LITAF: variants seen among roughly 807,000 people sequenced by gnomAD.
The protein encoded by LITAF is lipopolysaccharide-induced tumor necrosis factor-alpha factor.
A neutral mutation model predicts 14.5 loss-of-function variants in LITAF; 9 were observed. That is an observed-to-expected ratio of 0.62 (90% CI 0.37 to 1.08). The LOEUF (loss-of-function observed/expected upper bound fraction) is 1.08, where lower values mean the gene tolerates loss of function less well. Ranked by LOEUF, LITAF falls within the 50% of genes least tolerant of loss-of-function variation. LITAF has a pLI of 0.01. For synonymous variants in LITAF, 98 were observed against 88.2 expected (o/e 1.11, Z -0.62); for missense variants, 206 against 213.4 (o/e 0.97, Z 0.22).
chr16:11,640,038 T>C (rs1239050648), upstream of LITAF, among the ~76,000 whole-genome samples: 3 of 152,150 alleles, frequency 2.0e-5, no homozygotes, highest in East Asian at 5.8e-4. Flanking sequence ...CCTCCCAAAG[T>C]GCTGAGATTA....
At chr16:11,569,629 C>T (rs2064510460) in intron 1 of LITAF, among the ~76,000 whole-genome samples, 1 of 152,182 alleles carries the variant, frequency 6.6e-6, no homozygotes, top group Non-Finnish European at 1.5e-5. Context: ...ATGGCGTGGA[C>T]TACGGCCTGG....
At chr16:11,597,457 C>T (rs1424097462) in intron 1 of LITAF, among the ~76,000 whole-genome samples, 1 of 152,126 alleles carries the variant, frequency 6.6e-6, no homozygotes, top group Non-Finnish European at 1.5e-5. Context: ...CTCCCAGCAA[C>T]CCTATAAGGG....
intron 3 of LITAF, among the ~76,000 whole-genome samples, chr16:11,619,785 C>T (rs2065039273): frequency 6.6e-6 from 1 of 152,144 alleles, no homozygotes; most frequent in Non-Finnish European, 1.5e-5. Context: ...GTTGCCCAGG[C>T]TGGTCTTCAA....
intron 3 of LITAF, among the ~76,000 whole-genome samples, chr16:11,614,952 C>G (rs1247318362): frequency 1.3e-5 from 2 of 152,198 alleles, no homozygotes; most frequent in East Asian, 3.8e-4. Context: ...CTTCCAGGAC[C>G]CTGTGGCCCG....
chr16:11,587,580 G>T (rs1175369838), upstream of LITAF: 1 of 326,536 alleles, frequency 3.1e-6, no homozygotes, highest in Middle Eastern at 1.0e-3. Context: ...TAGGTATTAG[G>T]TAAGGCTTAT....
chr16:11,600,425 G>A (rs1479314866), upstream of LITAF, among the ~76,000 whole-genome samples: 1 of 152,238 alleles, frequency 6.6e-6, no homozygotes, highest in African/African-American at 2.4e-5. This position sits in a 1 kb window ranked among gnomAD's most constrained non-coding sequence, Gnocchi z 4.1. Flanking sequence ...AGTGGCAGGA[G>A]GCAGCCAAAT....
At chr16:11,623,925 C>T (rs1471760283) in intron 3 of LITAF, among the ~76,000 whole-genome samples, 1 of 151,942 alleles carries the variant, frequency 6.6e-6, no homozygotes, top group Non-Finnish European at 1.5e-5. Context: ...CAAGATCGTG[C>T]CATTGCACTC....
chr16:11,621,028 T>C (rs1253611202), intron 3 of LITAF, among the ~76,000 whole-genome samples: 2 of 151,710 alleles, frequency 1.3e-5, no homozygotes, highest in Admixed American at 6.6e-5. Flanking sequence ...CCTGAGTAGC[T>C]GGGACTACAG....
intron 3 of LITAF, among the ~76,000 whole-genome samples, chr16:11,624,434 G>C (rs559239291): frequency 6.6e-5 from 10 of 152,304 alleles, no homozygotes; most frequent in African/African-American, 1.4e-4. Flanking sequence ...GTCTGAGACT[G>C]TCAGCCTCAC....
In LITAF at chr16:11,586,545, G is replaced by A. The variant is rs2064809642; in HGVS notation, c.-6+341C>T. The stretch of plus-strand genomic sequence containing the variant: ...CCTTTTTCTAAAAAGCCCAGGGGCC[G>A]TCCTCTCCGGGGAGGGGGACGCGGC... On this transcript the variant is annotated intron_variant, in intron 1 of 3. Transcript: ENST00000622633. The surrounding 1 kb of genome is among the most constrained non-coding windows in gnomAD (Gnocchi z 6.5). Among the ~76,000 whole-genome samples, 1 of 152,110 alleles carries A rather than the reference G, an allele frequency of 6.6e-6. No individual in the cohort carries two copies. The highest frequency in any genetic ancestry group is 6.5e-5 in the Admixed American group (1 of 15,290).
chr16:11,582,797 G>C (rs771436404), intron 1 of LITAF, among the ~76,000 whole-genome samples: 17 of 152,150 alleles, frequency 1.1e-4, no homozygotes, highest in Non-Finnish European at 2.4e-4. Flanking sequence ...TCCAATAATG[G>C]GAGCACAGTG....
At chr16:11,631,768 T>C (rs1172381521) in intron 3 of LITAF, among the ~76,000 whole-genome samples, 1 of 152,142 alleles carries the variant, frequency 6.6e-6, no homozygotes, top group Non-Finnish European at 1.5e-5. Flanking sequence ...TCATTGGGTT[T>C]AGAACCCACC....
chr16:11,618,777 G>T (rs560579747), intron 3 of LITAF, among the ~76,000 whole-genome samples: 165 of 152,182 alleles, frequency 1.1e-3, no homozygotes, highest in African/African-American at 3.8e-3. Flanking sequence ...GAGGTCAGGA[G>T]TTCGAGTTCA....
chr16:11,575,839 G>A (rs1452013127), intron 1 of LITAF, among the ~76,000 whole-genome samples: 1 of 151,830 alleles, frequency 6.6e-6, no homozygotes, highest in African/African-American at 2.4e-5. Context: ...ACATTCCCCC[G>A]AAAAAAGTAT....
chr16:11,598,527 G>A (rs879488851), upstream of LITAF: 1 of 152,162 alleles, frequency 6.6e-6, no homozygotes, highest in Non-Finnish European at 1.5e-5. Flanking sequence ...GCGCAGGTAG[G>A]GAGTCGTGCC....
chr16:11,565,633 G>C (rs902797739), intron 1 of LITAF, among the ~76,000 whole-genome samples: 52 of 152,070 alleles, frequency 3.4e-4, no homozygotes, highest in African/African-American at 1.2e-3. Flanking sequence ...CTCTTGACTA[G>C]CGCGACTCCC....
chr16:11,583,500 T>C (rs58200840), intron 1 of LITAF, among the ~76,000 whole-genome samples: 1,746 of 152,284 alleles, frequency 0.011, 36 homozygotes, highest in African/African-American at 0.04. Flanking sequence ...CTGATGACAA[T>C]TTCATAGAAA....
chr16:11,551,584 G>C (rs1454396744), intron 3 of LITAF: 2 of 488,328 alleles, frequency 4.1e-6, no homozygotes, highest in Non-Finnish European at 7.3e-6. Context: ...ACTTTGGGAG[G>C]TCAAGGCAGA....
chr16:11,589,619 CTTTTTTT>C (rs60950577), upstream of LITAF, among the ~76,000 whole-genome samples: 5 of 103,922 alleles, frequency 4.8e-5, no homozygotes, highest in Non-Finnish European at 9.3e-5. Flanking sequence ...AAATCAGTTG[CTTTTTTT>C]TTTTTTTTTT....
Sources: allele counts gnomAD v4.1 joint callset (sites outside exome capture counted in the v4.1 genomes callset), GRCh38; gene constraint gnomAD v4.1.1; non-coding constraint Gnocchi (gnomAD v3.1); transcripts MANE v1.5; gene names NCBI Gene and HGNC (gene_info 2026-07-23, HGNC 2026-07-21).